The following FAT3 variants were observed in gnomAD, a reference collection of about 807,000 sequenced individuals.
FAT3 encodes protocadherin Fat 3.
FAT3 carries 95 observed loss-of-function variants against 310.2 expected under a neutral mutation model. That is an observed-to-expected ratio of 0.31 (90% CI 0.26 to 0.36). The LOEUF is 0.36. Ranked by LOEUF, FAT3 falls within the 10% of genes least tolerant of loss-of-function variation. FAT3 has a pLI of 1.00. For synonymous variants in FAT3, 2,314 were observed against 2,192.9 expected (o/e 1.06, Z -1.54); for missense variants, 5,408 against 5,715.6 (o/e 0.95, Z 1.74).
chr11:92,834,895 G>A lies in FAT3; in HGVS notation c.9897G>A (p.Leu3299=). The change falls in exon 15 of 28, where the codon CTG becomes CTA. Residue 3299 remains leucine (L), a synonymous_variant. Coordinates refer to ENST00000525166, the MANE Select transcript of FAT3 (RefSeq NM_001367949.2). The stretch of plus-strand genomic sequence containing the variant: ...GGGGTATTTCTGTCTCTGAAGTCCT[G>A]GACTATGAATTATGCAAAAGGTTTT... ...KTGGISVSEV[L]DYELCKRFYL... 6.2e-7 allele frequency: 1 copy of A among 1,611,750 alleles called. No homozygotes were observed.
intron 7 of FAT3, among the ~76,000 whole-genome samples, chr11:92,778,106 C>T (rs1263314704): frequency 6.6e-6 from 1 of 152,080 alleles, no homozygotes. Flanking sequence ...CCTTAAGGCA[C>T]CCTCGGTGCA....
intron 2 of FAT3, among the ~76,000 whole-genome samples, chr11:92,420,593 G>C (rs971552035): frequency 3.9e-5 from 6 of 151,996 alleles, no homozygotes; most frequent in African/African-American, 1.5e-4. Context: ...CTTGATGGGG[G>C]GGTTAAGAGT....
Position 92,844,389 on chromosome 11 carries a change from G to A in FAT3, c.11022G>A (p.Arg3674=). The stretch of plus-strand genomic sequence containing the variant: ...TGCATGGGTTCCGGCGCACCCTGCG[G>A]AATGCAGTCCTCACCCAGAAGCAGG... The part of the protein sequence containing the change: ...LHMHGFRRTL[R]NAVLTQKQDS... The change falls in exon 19 of 28, where the codon CGG becomes CGA. Residue 3674 remains arginine, a synonymous_variant. Coordinates refer to ENST00000525166, the MANE Select transcript of FAT3 (RefSeq NM_001367949.2). 6.2e-7 allele frequency: 1 copy of A among 1,613,930 alleles called. No individual in the cohort carries two copies.
chr11:92,466,040 T>C (rs1951751662), intron 2 of FAT3, among the ~76,000 whole-genome samples: 1 of 152,152 alleles, frequency 6.6e-6, no homozygotes, highest in African/African-American at 2.4e-5. Flanking sequence ...ATTATCTTAA[T>C]TCTATACAGC....
intron 3 of FAT3, among the ~76,000 whole-genome samples, chr11:92,623,237 A>G (rs372545668): frequency 2.7e-5 from 4 of 148,274 alleles, no homozygotes; most frequent in Admixed American, 6.7e-5. Flanking sequence ...TGAAGAAGGT[A>G]TGCTTCCCCC....
chr11:92,750,720 G>A (rs562585138), intron 4 of FAT3, among the ~76,000 whole-genome samples: 1 of 152,122 alleles, frequency 6.6e-6, no homozygotes, highest in African/African-American at 2.4e-5. Context: ...TGGAACGTTA[G>A]CATGCGTGAC....
At chr11:92,465,549 T>C (rs887850827) in intron 2 of FAT3, among the ~76,000 whole-genome samples, 1 of 152,160 alleles carries the variant, frequency 6.6e-6, no homozygotes, top group Non-Finnish European at 1.5e-5. Context: ...ATTTCTCTGA[T>C]GGCCAGTGAT....
intron 17 of FAT3, among the ~76,000 whole-genome samples, chr11:92,839,774 A>G (rs7104420): frequency 0.4 from 60,879 of 151,990 alleles, 12,308 homozygotes; most frequent in East Asian, 0.46. Context: ...GGACAGCAAT[A>G]CCTGAGCTAC....
At chr11:92,682,871 A>G (rs1464347454) in intron 3 of FAT3, among the ~76,000 whole-genome samples, 1 of 152,064 alleles carries the variant, frequency 6.6e-6, no homozygotes, top group Non-Finnish European at 1.5e-5. Context: ...TGAGGTCAGG[A>G]GTTTGAGACC....
At position 92,800,820 on chromosome 11, in the gene FAT3, G is replaced by A. The variant is rs748239394; in HGVS notation, c.7807G>A (p.Val2603Met). The change falls in exon 10 of 28, where the codon GTG (valine) becomes ATG (methionine). Residue 2603 changes from valine to methionine, a missense_variant. This residue lies in a region of FAT3 where 4,588 missense variants were observed against 4,809.8 expected (regional missense o/e 0.95). Transcript: ENST00000525166. Reference sequence around the variant, plus strand: ...TGACAATGCTCCCCAGTTCATGACAGTGGAATATAGAGCCAGTGTCAGGGC... The same window carrying A: ...TGACAATGCTCCCCAGTTCATGACAATGGAATATAGAGCCAGTGTCAGGGC... ...ENDNAPQFMT[V>M]EYRASVRADV... The A allele has an allele frequency of 6.2e-7, 1 of 1,613,822 alleles. No individual in the cohort carries two copies.
chr11:92,876,470 G>A (rs574294984), intron 22 of FAT3, among the ~76,000 whole-genome samples: 32 of 152,296 alleles, frequency 2.1e-4, no homozygotes, highest in Admixed American at 4.6e-4. Flanking sequence ...GAGACCTCAG[G>A]CTGGCCTTCT....
intron 1 of FAT3, among the ~76,000 whole-genome samples, chr11:92,268,052 C>CAAA (rs34936870): frequency 5.8e-5 from 5 of 86,810 alleles, no homozygotes; most frequent in Admixed American, 1.3e-4. Flanking sequence ...CTAAGTCCTT[C>CAAA]AAAAAAAAAA....
At chr11:92,833,454 C>T (rs920436424) in intron 14 of FAT3, among the ~76,000 whole-genome samples, 1 of 152,180 alleles carries the variant, frequency 6.6e-6, no homozygotes, top group African/African-American at 2.4e-5. Context: ...CAGGCTCTTA[C>T]TAAGTACAAA....
At chr11:92,852,669 T>A (rs2136311342) in intron 19 of FAT3, among the ~76,000 whole-genome samples, 1 of 152,312 alleles carries the variant, frequency 6.6e-6, no homozygotes, top group Non-Finnish European at 1.5e-5. Flanking sequence ...TGATTATATA[T>A]CTAATATTTA....
chr11:92,285,756 A>G (rs978696590), intron 1 of FAT3, among the ~76,000 whole-genome samples: 2 of 152,196 alleles, frequency 1.3e-5, no homozygotes, highest in Non-Finnish European at 2.9e-5. Flanking sequence ...GCATTTGTAT[A>G]TTTTAAATTT....
At chr11:92,262,965 T>C (rs1865619202) in intron 1 of FAT3, among the ~76,000 whole-genome samples, 1 of 152,038 alleles carries the variant, frequency 6.6e-6, no homozygotes, top group African/African-American at 2.4e-5. Context: ...CCCGGTTCCC[T>C]CATAATAATC....
chr11:92,806,199 T>G (rs1250544485), intron 11 of FAT3, among the ~76,000 whole-genome samples, 163 bp from the exon 12 acceptor site: 1 of 152,184 alleles, frequency 6.6e-6, no homozygotes, highest in African/African-American at 2.4e-5. Flanking sequence ...GCAGATATAC[T>G]GTGTTTCATA....
In FAT3 at chr11:92,844,295, A is replaced by C; in HGVS notation, c.10928A>C (p.Glu3643Ala). ...VVVHVEQLVH[E>A]MLQNTVTIRF... The stretch of plus-strand genomic sequence containing the variant: ...GTGCATGTGGAGCAGTTGGTGCATG[A>C]GATGCTGCAGAACACTGTCACCATC... The change falls in exon 19 of 28, where the codon GAG becomes GCG. Residue 3643 changes from glutamate (E) to alanine (A), a missense_variant. This residue lies in a region of FAT3 where 4,588 missense variants were observed against 4,809.8 expected (regional missense o/e 0.95). Transcript: ENST00000525166. The C allele has an allele frequency of 1.2e-6, 2 of 1,613,980 alleles. No individual in the cohort carries two copies. The highest frequency in any genetic ancestry group is 1.7e-6 in the Non-Finnish European group (2 of 1,179,908).
chr11:92,737,553 G>C (rs1945389399), intron 4 of FAT3, among the ~76,000 whole-genome samples: 1 of 151,992 alleles, frequency 6.6e-6, no homozygotes, highest in South Asian at 2.1e-4. Context: ...GTGTGAGAGA[G>C]AGAGAGAGGA....
Sources: gnomAD v4.1 joint callset for allele counts (sites outside exome capture counted in the v4.1 genomes callset) on GRCh38, gnomAD v4.1.1 for gene constraint, gnomAD v4.1.1 regional missense constraint, MANE v1.5 for transcripts, NCBI Gene and HGNC (gene_info 2026-07-23, HGNC 2026-07-21) for gene names.